Variants in FRMD5 observed in about 807,000 individuals in gnomAD.
The protein encoded by FRMD5 is FERM domain containing 5, also known as FERM domain-containing protein 5.
FRMD5 carries 20 observed loss-of-function variants against 69.0 expected under a neutral mutation model. That is an observed-to-expected ratio of 0.29 (90% CI 0.20 to 0.42). FRMD5 has a LOEUF of 0.42. Among genes scored for constraint, FRMD5 ranks in the 10% least tolerant of loss-of-function variants. The probability of loss-of-function intolerance (pLI) is 1.00; values close to 1 mark genes in which losing one functional copy is unlikely to be tolerated. For missense variants in FRMD5, 595 were observed against 708.6 expected (o/e 0.84, Z 1.82); for synonymous variants, 271 against 260.1 (o/e 1.04, Z -0.40).
rs2088723149 is a variant in FRMD5, at chr15:43,888,737, A to G, written c.792+72T>C. The G allele has an allele frequency of 6.7e-6, 9 of 1,348,006 alleles. No individual in the cohort carries two copies. The East Asian group carries it at 1.6e-4, about 24-fold the overall frequency. 83.5% of individuals were successfully genotyped at this position (1,348,006 alleles called of 1,614,324 possible). On this transcript the variant is annotated intron_variant, in intron 9 of 13. Coordinates refer to ENST00000417257, the MANE Select transcript of FRMD5 (RefSeq NM_032892.5). ...AGCTTGGCTCTACTGGGGTCCCTCA[A>G]GCTTGGCTCTGGCCACCAGGAAGCA...
intron 4 of FRMD5, among the ~76,000 whole-genome samples, chr15:43,916,103 C>T (rs921478947): frequency 3.3e-5 from 5 of 152,270 alleles, no homozygotes; most frequent in East Asian, 1.9e-4. Flanking sequence ...AGGTAAAGAA[C>T]GCTGGTGAGG....
chr15:44,114,019 A>G (rs1026169397), intron 1 of FRMD5, among the ~76,000 whole-genome samples: 1 of 152,206 alleles, frequency 6.6e-6, no homozygotes, highest in Non-Finnish European at 1.5e-5. Flanking sequence ...ATCTCTATCT[A>G]TAACAGTCGT....
intron 1 of FRMD5, among the ~76,000 whole-genome samples, chr15:44,102,523 A>G (rs1243865683): frequency 6.6e-6 from 1 of 152,222 alleles, no homozygotes; most frequent in Non-Finnish European, 1.5e-5. Flanking sequence ...GGAAATGAAG[A>G]TCTCACAAAC....
intron 1 of FRMD5, among the ~76,000 whole-genome samples, chr15:44,027,639 G>GTTTTTTTTTTTTTTT (rs767882395): frequency 7.4e-5 from 2 of 27,050 alleles, no homozygotes; most frequent in African/African-American, 1.2e-4. Flanking sequence ...TTCTTTTCTA[G>GTTTTTTTTTTTTTTT]TTTTTTTTTT....
intron 1 of FRMD5, among the ~76,000 whole-genome samples, chr15:43,970,335 T>C (rs1031822901): frequency 1.3e-4 from 20 of 152,236 alleles, no homozygotes; most frequent in African/African-American, 4.8e-4. Flanking sequence ...TTCTTTGGAT[T>C]GGAGGCAGAA....
intron 1 of FRMD5, among the ~76,000 whole-genome samples, chr15:44,000,782 G>C (rs1378777698): frequency 6.6e-6 from 1 of 151,990 alleles, no homozygotes; most frequent in Non-Finnish European, 1.5e-5. Flanking sequence ...TAAAATTTTT[G>C]AGGAACCTCC....
At chr15:43,953,495 A>G (rs904950162) in intron 1 of FRMD5, among the ~76,000 whole-genome samples, 1 of 152,218 alleles carries the variant, frequency 6.6e-6, no homozygotes, top group Non-Finnish European at 1.5e-5. Context: ...GCAACAGGAA[A>G]ACATAAATGA....
At chr15:43,919,358 GAGTT>G in intron 4 of FRMD5, 97 bp downstream of exon 4, 4 of 973,590 alleles carry the variant, frequency 4.1e-6, no homozygotes, top group Non-Finnish European at 3.4e-6. Flanking sequence ...TTGCCTCTAA[GAGTT>G]AGGCGCTTCC....
rs150699264 is a variant in FRMD5, at chr15:43,992,972, T to C, written c.103-68663A>G. On this transcript the variant is annotated intron_variant, in intron 1 of 13. Coordinates refer to ENST00000417257, the MANE Select transcript of FRMD5 (RefSeq NM_032892.5). ...TGGTATTTTGTATTCTATTTTTGTCTCAAGATATTTTAAAAGTTCCCTTTT... is the reference window on the plus strand; with the variant it reads ...TGGTATTTTGTATTCTATTTTTGTCCCAAGATATTTTAAAAGTTCCCTTTT... Among the ~76,000 whole-genome samples, 743 of 152,306 alleles carry C rather than the reference T, an allele frequency of 4.9e-3. 12 individuals are homozygous for C. The highest frequency in any genetic ancestry group is 0.017 in the African/African-American group (712 of 41,564).
intron 1 of FRMD5, among the ~76,000 whole-genome samples, chr15:44,086,920 C>A (rs913276956): frequency 1.3e-5 from 2 of 152,182 alleles, no homozygotes; most frequent in Non-Finnish European, 1.5e-5. Flanking sequence ...AAAGGATTTC[C>A]ATTCACTGTA....
intron 1 of FRMD5, among the ~76,000 whole-genome samples, chr15:44,043,287 A>G (rs1404301978): frequency 6.6e-6 from 1 of 152,212 alleles, no homozygotes; most frequent in Non-Finnish European, 1.5e-5. Flanking sequence ...ACACAAACAA[A>G]TGGAAAAACA....
At chr15:44,144,546 G>C (rs921567958) in intron 1 of FRMD5, among the ~76,000 whole-genome samples, 3 of 152,174 alleles carry the variant, frequency 2.0e-5, no homozygotes, top group African/African-American at 7.2e-5. Context: ...TTGTGGTTCA[G>C]GGTCCCCAAA....
intron 1 of FRMD5, among the ~76,000 whole-genome samples, chr15:44,019,442 A>G (rs545609292): frequency 3.3e-5 from 5 of 152,128 alleles, no homozygotes; most frequent in African/African-American, 1.2e-4. Context: ...TGTTAAAAAA[A>G]AAAAAAGAAA....
chr15:43,882,968 G>A (rs986535107), intron 13 of FRMD5, among the ~76,000 whole-genome samples: 1 of 151,644 alleles, frequency 6.6e-6, no homozygotes, highest in Admixed American at 6.6e-5. Context: ...ACCATGCCCT[G>A]CTAATTTTTT....
intron 1 of FRMD5, among the ~76,000 whole-genome samples, chr15:43,956,669 A>G (rs1448815091): frequency 6.6e-6 from 1 of 152,224 alleles, no homozygotes. Flanking sequence ...TTCTTAATCA[A>G]CTTTGCAACA....
intron 1 of FRMD5, among the ~76,000 whole-genome samples, chr15:43,985,994 A>G (rs1889377338): frequency 6.6e-6 from 1 of 152,230 alleles, no homozygotes; most frequent in African/African-American, 2.4e-5. Flanking sequence ...GGTTGTCCTC[A>G]CTTTGCATGG....
chr15:43,920,380 C>T (rs1274561965), intron 2 of FRMD5, among the ~76,000 whole-genome samples: 2 of 152,182 alleles, frequency 1.3e-5, no homozygotes, highest in African/African-American at 4.8e-5. Flanking sequence ...AAAACACATA[C>T]TCAGGATTCC....
chr15:44,126,716 T>C (rs2077028964), intron 1 of FRMD5, among the ~76,000 whole-genome samples: 1 of 152,208 alleles, frequency 6.6e-6, no homozygotes. Context: ...TCATTCTCTT[T>C]ACCAGCCCAT....
chr15:44,061,874 T>C (rs1160648064), intron 1 of FRMD5, among the ~76,000 whole-genome samples: 2 of 152,140 alleles, frequency 1.3e-5, no homozygotes, highest in Admixed American at 6.5e-5. Context: ...ACGTAATACT[T>C]CTCTTTCAAA....
Sources: gnomAD v4.1 joint callset for allele counts (sites outside exome capture counted in the v4.1 genomes callset) on GRCh38, gnomAD v4.1.1 for gene constraint, MANE v1.5 for transcripts, NCBI Gene and HGNC (gene_info 2026-07-23, HGNC 2026-07-21) for gene names.